Variants in BEND7 observed in about 807,000 individuals in gnomAD.
The protein encoded by BEND7 is BEN domain containing 7, also known as BEN domain-containing protein 7.
BEND7 carries 28 observed loss-of-function variants against 50.9 expected under a neutral mutation model. The ratio of observed to expected loss-of-function variants is 0.55; its 90% CI spans 0.41 to 0.75. The LOEUF is 0.75. Ranked by LOEUF, BEND7 falls within the 30% of genes least tolerant of loss-of-function variation. BEND7 has a pLI of 0.00. For missense variants in BEND7, 477 were observed against 491.3 expected (o/e 0.97, Z 0.28); for synonymous variants, 170 against 183.9 (o/e 0.92, Z 0.61).
chr10:13,495,660 C>G (rs1444624247), intron 4 of BEND7, among the ~76,000 whole-genome samples: 1 of 152,194 alleles, frequency 6.6e-6, no homozygotes, highest in Non-Finnish European at 1.5e-5. Context: ...GAAACTCCAT[C>G]TCAAATAAAA....
At chr10:13,520,476 G>T (rs759387721) in intron 2 of BEND7, among the ~76,000 whole-genome samples, 4 of 152,098 alleles carry the variant, frequency 2.6e-5, no homozygotes, top group Non-Finnish European at 4.4e-5. Flanking sequence ...TAGACACTCA[G>T]TGAAGGGCTT....
In BEND7 at chr10:13,441,537, G is replaced by A; in HGVS notation, c.*206C>T. 1.4e-6 allele frequency: 2 copies of A among 1,410,042 alleles called. No individual in the cohort carries two copies. Among genetic ancestry groups the A allele is most frequent in the Non-Finnish European group, 1.8e-6 (2 of 1,083,842 alleles). The allele number at this position is 1,410,042 out of a possible 1,614,324, so 87.3% of individuals were successfully genotyped here. On this transcript the variant is annotated 3_prime_UTR_variant, in exon 9 of 9. Transcript: ENST00000466271. ...GCCTTGGAAGGCAGTGCTTCTGAAG[G>A]TTCCCAGCAGATCTCTTAACAGACC...
intron 5 of BEND7, among the ~76,000 whole-genome samples, chr10:13,488,835 T>C (rs1297577642): frequency 6.6e-6 from 1 of 152,180 alleles, no homozygotes. Context: ...TCTGCTTCTG[T>C]GTATAGTTGA....
chr10:13,447,250 A>C lies in BEND7; in HGVS notation c.1234+16T>G. ...TTTTCCAGGAGGTGATGAAAATGTA[A>C]ATGCGTTTTATTTACCTGTTGGTGG... is the stretch of plus-strand genomic sequence containing the variant. On this transcript the variant is annotated intron_variant, in intron 8 of 8. Transcript: ENST00000466271. 1 of 1,613,792 alleles carries C rather than the reference A, an allele frequency of 6.2e-7. No homozygotes were observed. Among genetic ancestry groups the C allele is most frequent in the South Asian group, 1.1e-5 (1 of 91,048 alleles).
intron 6 of BEND7, among the ~76,000 whole-genome samples, chr10:13,464,402 T>C (rs149000332): frequency 6.6e-6 from 1 of 152,330 alleles, no homozygotes; most frequent in African/African-American, 2.4e-5. Context: ...CACAGGCAAG[T>C]TGCAAAAGTA....
chr10:13,491,219 A>G (rs2076631523), intron 5 of BEND7, among the ~76,000 whole-genome samples: 1 of 151,116 alleles, frequency 6.6e-6, no homozygotes, highest in Non-Finnish European at 1.5e-5. Flanking sequence ...AGGCTGAGGT[A>G]GGAGAATTGC....
At chr10:13,502,934 T>A in intron 2 of BEND7, 1 of 985,372 alleles carries the variant, frequency 1.0e-6, no homozygotes, top group Non-Finnish European at 1.2e-6. Flanking sequence ...ATGTGTCTCC[T>A]GCCAAAGGTC....
intron 2 of BEND7, among the ~76,000 whole-genome samples, 192 bp downstream of exon 2, chr10:13,525,946 T>C (rs2079432284): frequency 6.6e-6 from 1 of 152,256 alleles, no homozygotes; most frequent in South Asian, 2.1e-4. Flanking sequence ...TAAACATTTA[T>C]GTCTGAAATT....
At chr10:13,448,927 C>G (rs916971536) in intron 7 of BEND7, among the ~76,000 whole-genome samples, 1 of 148,532 alleles carries the variant, frequency 6.7e-6, no homozygotes, top group Non-Finnish European at 1.5e-5. Context: ...GAGCCGAGAT[C>G]GCGCCACTGC....
intron 6 of BEND7, 127 bp from the exon 7 acceptor site, chr10:13,452,785 T>G (rs1838056045): frequency 1.2e-6 from 1 of 831,758 alleles, no homozygotes; most frequent in Non-Finnish European, 1.8e-6. Flanking sequence ...ACGATATGTC[T>G]TCGGTATCTG....
intron 1 of BEND7, 62 bp from the exon 2 acceptor site, chr10:13,526,283 C>A: frequency 1.2e-6 from 1 of 803,018 alleles, no homozygotes; most frequent in Non-Finnish European, 1.8e-6. Flanking sequence ...AATAAGCAGT[C>A]AAGTCTAGAA....
At chr10:13,494,795 C>A (rs2076919305) in intron 4 of BEND7, among the ~76,000 whole-genome samples, 1 of 152,220 alleles carries the variant, frequency 6.6e-6, no homozygotes, top group Admixed American at 6.5e-5. Context: ...CCAGATCTTA[C>A]CTCTAGGTCT....
At chr10:13,472,626 C>G (rs775944675) in intron 6 of BEND7, among the ~76,000 whole-genome samples, 1 of 151,700 alleles carries the variant, frequency 6.6e-6, no homozygotes. Context: ...GATTGATACC[C>G]GTCATCGCTC....
intron 2 of BEND7, among the ~76,000 whole-genome samples, chr10:13,520,908 A>C (rs1446329413): frequency 1.3e-5 from 2 of 152,224 alleles, no homozygotes; most frequent in African/African-American, 4.8e-5. Flanking sequence ...TGTGCACATA[A>C]ATTGAAAGAA....
rs772426797 is a variant in BEND7 at position 13,499,965 on chromosome 10, CTCT to C, written c.258_260del (p.Glu87del). 19 of 1,614,104 alleles carry C rather than the reference CTCT, an allele frequency of 1.2e-5. No individual in the cohort carries two copies. Among genetic ancestry groups the C allele is most frequent in the Admixed American group, 1.2e-4 (7 of 60,010 alleles). On this transcript the variant is annotated inframe_deletion, in exon 3 of 9. Coordinates refer to ENST00000466271, the MANE Select transcript of BEND7 (RefSeq NM_001369863.1). ...GCCAGACTAAATCCAGGTCCTGGGGCTCTTCTTTTAGTTTCTCTCCTTCTTTGC... is the reference window on the plus strand; with the variant it reads ...GCCAGACTAAATCCAGGTCCTGGGGCTCTTTTAGTTTCTCTCCTTCTTTGC...
chr10:13,525,764 A>T (rs1280744793), intron 2 of BEND7, among the ~76,000 whole-genome samples: 1 of 152,210 alleles, frequency 6.6e-6, no homozygotes, highest in Non-Finnish European at 1.5e-5. Context: ...TGGAAATTGA[A>T]TTTCTGTTAT....
chr10:13,478,729 A>G (rs1014158239), intron 6 of BEND7, among the ~76,000 whole-genome samples: 8 of 151,988 alleles, frequency 5.3e-5, no homozygotes, highest in African/African-American at 1.9e-4. Flanking sequence ...GTCTATGAAT[A>G]AACACTGCAA....
At chr10:13,511,365 T>C (rs2078263466) in intron 2 of BEND7, 1 of 152,190 alleles carries the variant, frequency 6.6e-6, no homozygotes, top group African/African-American at 2.4e-5. Flanking sequence ...GTTTAAAAAA[T>C]GGTTTCAAAA....
intron 6 of BEND7, among the ~76,000 whole-genome samples, chr10:13,464,192 C>CTT (rs1445228391): frequency 5.4e-4 from 83 of 152,346 alleles, no homozygotes; most frequent in African/African-American, 1.9e-3. Flanking sequence ...GAAACCCACA[C>CTT]ATGGGCACCC....
Sources: gnomAD v4.1 joint callset for allele counts (sites outside exome capture counted in the v4.1 genomes callset) on GRCh38, gnomAD v4.1.1 for gene constraint, MANE v1.5 for transcripts, NCBI Gene and HGNC (gene_info 2026-07-23, HGNC 2026-07-21) for gene names.